EYA4: variants seen among roughly 807,000 people sequenced by gnomAD.
EYA4 encodes EYA transcriptional coactivator and phosphatase 4.
EYA4 carries 31 observed loss-of-function variants against 87.9 expected under a neutral mutation model. The ratio of observed to expected loss-of-function variants is 0.35; its 90% confidence interval spans 0.27 to 0.48. The LOEUF is 0.48. EYA4 is among the 20% of genes least tolerant of loss of function. The pLI is 0.99. For missense variants in EYA4, 678 were observed against 761.4 expected (o/e 0.89, Z 1.29); for synonymous variants, 263 against 270.6 (o/e 0.97, Z 0.28).
At chr6:133,508,328 G>A (rs1449837856) in intron 14 of EYA4, among the ~76,000 whole-genome samples, 1 of 148,984 alleles carries the variant, frequency 6.7e-6, no homozygotes, top group East Asian at 1.9e-4. Context: ...TGCTACTTAT[G>A]AATACAGAAT....
At position 133,428,304 on chromosome 6, in the gene EYA4, G is replaced by A. The variant is rs566904705; in HGVS notation, c.84-18326G>A. Among the ~76,000 whole-genome samples, 4 of 152,288 alleles carry A rather than the reference G, an allele frequency of 2.6e-5. No individual in the cohort carries two copies. The South Asian group carries it at 6.2e-4, about 24-fold the overall frequency. ...AAATCCATGTGGAATTTCCCCAGAA[G>A]GGTGCTTACCTCATTGAGATGAAAT... On this transcript the variant is annotated intron_variant, in intron 3 of 19. Transcript: ENST00000355286.
chr6:133,463,369 T>C (rs920820081), intron 9 of EYA4, among the ~76,000 whole-genome samples: 11 of 147,976 alleles, frequency 7.4e-5, no homozygotes, highest in Admixed American at 2.0e-4. Flanking sequence ...TTTTTTTTTT[T>C]TTTTTTCTGA....
At chr6:133,253,270 C>T (rs1266218545) in intron 1 of EYA4, among the ~76,000 whole-genome samples, 1 of 152,016 alleles carries the variant, frequency 6.6e-6, no homozygotes, top group Non-Finnish European at 1.5e-5. Context: ...CATTCATGGA[C>T]AGGAAGTCCA....
chr6:133,389,456 C>T (rs761229056), intron 3 of EYA4, among the ~76,000 whole-genome samples: 5 of 152,236 alleles, frequency 3.3e-5, no homozygotes, highest in Non-Finnish European at 5.9e-5. Flanking sequence ...TGCCTTTGTT[C>T]ACCATTGCCT....
chr6:133,361,196 A>G (rs1784423352), intron 2 of EYA4, among the ~76,000 whole-genome samples: 1 of 152,234 alleles, frequency 6.6e-6, no homozygotes, highest in South Asian at 2.1e-4. Context: ...ATGTTTGTGA[A>G]CAACTTTAGA....
At chr6:133,478,124 C>T (rs1258474237) in intron 11 of EYA4, among the ~76,000 whole-genome samples, 1 of 151,996 alleles carries the variant, frequency 6.6e-6, no homozygotes, top group African/African-American at 2.4e-5. Context: ...GGATGTGGAA[C>T]AACTGAAACT....
rs550220437 is a variant in EYA4 at position 133,289,077 on chromosome 6, G to A, written c.33+14264G>A. Among the ~76,000 whole-genome samples the A allele has an allele frequency of 2.6e-5, 4 of 152,298 alleles. No individual in the cohort carries two copies. In the South Asian group the frequency reaches 8.3e-4, roughly 32 times the overall value. The stretch of plus-strand genomic sequence containing the variant: ...TGAATGGAGCACCTTCTTCCAAGAG[G>A]AGGCTTGCTTGTGTTTGATGACAGA... On this transcript the variant is annotated intron_variant, in intron 2 of 19. Transcript: ENST00000355286.
At chr6:133,443,462 G>A (rs748736658) in intron 3 of EYA4, among the ~76,000 whole-genome samples, 7 of 151,784 alleles carry the variant, frequency 4.6e-5, no homozygotes, top group Admixed American at 1.3e-4. Context: ...AAAATCATTG[G>A]TATCTCTCAT....
chr6:133,270,554 G>A (rs760528077), intron 1 of EYA4, among the ~76,000 whole-genome samples: 76 of 152,140 alleles, frequency 5.0e-4, no homozygotes, highest in Non-Finnish European at 4.6e-4. Context: ...TCTCGTGGTC[G>A]TAGATGCTAT....
At chr6:133,368,287 G>A (rs1316205133) in intron 2 of EYA4, among the ~76,000 whole-genome samples, 2 of 152,010 alleles carry the variant, frequency 1.3e-5, no homozygotes, top group Non-Finnish European at 2.9e-5. Context: ...TTCCTACCTC[G>A]CCCCGCTTTA....
chr6:133,488,135 T>C (rs1379002994), intron 13 of EYA4, among the ~76,000 whole-genome samples: 1 of 152,112 alleles, frequency 6.6e-6, no homozygotes, highest in Non-Finnish European at 1.5e-5. Flanking sequence ...ATAGTGGTCA[T>C]GGGAGAGAAT....
intron 2 of EYA4, among the ~76,000 whole-genome samples, chr6:133,330,711 A>G (rs1781874533): frequency 6.6e-6 from 1 of 152,028 alleles, no homozygotes; most frequent in Admixed American, 6.6e-5. Flanking sequence ...GTGGTATTCA[A>G]AAAAGCCCAG....
intron 3 of EYA4, among the ~76,000 whole-genome samples, chr6:133,401,035 G>A (rs765702480): frequency 7.9e-5 from 12 of 152,140 alleles, no homozygotes; most frequent in Admixed American, 2.0e-4. Context: ...TGTGGTATAT[G>A]TATACAATGG....
chr6:133,427,038 A>G (rs1790738259), intron 3 of EYA4, among the ~76,000 whole-genome samples: 1 of 152,224 alleles, frequency 6.6e-6, no homozygotes, highest in Non-Finnish European at 1.5e-5. Flanking sequence ...TTTTGTCTGT[A>G]TTGTCTGTAA....
At chr6:133,414,015 T>G (rs932315088) in intron 3 of EYA4, among the ~76,000 whole-genome samples, 3 of 152,206 alleles carry the variant, frequency 2.0e-5, no homozygotes, top group East Asian at 3.8e-4. Flanking sequence ...TTCTAGAATC[T>G]ATTGACTTTC....
intron 2 of EYA4, among the ~76,000 whole-genome samples, chr6:133,333,290 G>C (rs777125634): frequency 6.6e-6 from 1 of 152,174 alleles, no homozygotes; most frequent in African/African-American, 2.4e-5. Context: ...AGATGAGAAC[G>C]TAACAATTTA....
At chr6:133,250,863 C>T (rs1774839571) in intron 1 of EYA4, among the ~76,000 whole-genome samples, 1 of 152,018 alleles carries the variant, frequency 6.6e-6, no homozygotes, top group Non-Finnish European at 1.5e-5. Context: ...ATATGAGTAT[C>T]AGTTGTTATT....
chr6:133,265,288 T>C (rs1205387013), intron 1 of EYA4, among the ~76,000 whole-genome samples: 1 of 151,792 alleles, frequency 6.6e-6, no homozygotes, highest in Non-Finnish European at 1.5e-5. Flanking sequence ...GTTTTTGCTG[T>C]TACTTTCAGT....
At chr6:133,253,250 A>G (rs1474859181) in intron 1 of EYA4, among the ~76,000 whole-genome samples, 1 of 152,016 alleles carries the variant, frequency 6.6e-6, no homozygotes, top group Non-Finnish European at 1.5e-5. Context: ...AGTGGAGGAG[A>G]GTTCTGCTTC....
Sources: gnomAD v4.1 joint callset for allele counts (sites outside exome capture counted in the v4.1 genomes callset) on GRCh38, gnomAD v4.1.1 for gene constraint, MANE v1.5 for transcripts, NCBI Gene and HGNC (gene_info 2026-07-23, HGNC 2026-07-21) for gene names.